The following DIP2C variants were observed in gnomAD, a reference collection of about 807,000 sequenced individuals.
DIP2C encodes DIP2 acetate--CoA ligase C (putative).
DIP2C carries 33 observed loss-of-function variants against 192.4 expected under a neutral mutation model. That is an observed-to-expected ratio of 0.17 (90% CI 0.13 to 0.23). The LOEUF (loss-of-function observed/expected upper bound fraction) is 0.23. DIP2C is among the 10% of genes least tolerant of loss of function. The pLI, the probability that DIP2C is intolerant of heterozygous loss-of-function variation, is 1.00. For synonymous variants in DIP2C, 979 were observed against 864.1 expected (o/e 1.13, Z -2.33); for missense variants, 1,537 against 2,110.1 (o/e 0.73, Z 5.32).
At chr10:650,480 G>A (rs1855805638) in intron 1 of DIP2C, 1 of 704,078 alleles carries the variant, frequency 1.4e-6, no homozygotes, top group South Asian at 1.5e-5. Context: ...AGAGTCCACG[G>A]CCACTTCTAC....
At chr10:650,187 G>T in intron 1 of DIP2C, 1 of 717,466 alleles carries the variant, frequency 1.4e-6, no homozygotes, top group South Asian at 1.5e-5. Context: ...AGGTCCTGCG[G>T]GGTGGGTGGT....
intron 4 of DIP2C, 39 bp from the exon 5 acceptor site, chr10:423,072 A>C: frequency 6.5e-7 from 1 of 1,537,166 alleles, no homozygotes; most frequent in Non-Finnish European, 8.8e-7. Context: ...ATGTTGCAGC[A>C]AAAACGTGCA....
In DIP2C at chr10:608,142, GCC is replaced by G. The variant is rs1388658067; in HGVS notation, c.85+81350_85+81351del. Among the ~76,000 whole-genome samples the G allele has an allele frequency of 1.1e-3, 36 of 31,640 alleles. 2 individuals are homozygous for G. Among genetic ancestry groups the G allele is most frequent in the African/African-American group, 0.011 (32 of 3,032 alleles). The allele number at this position is 31,640 out of a possible 152,430, so 20.8% of individuals were successfully genotyped here. A position where few individuals can be genotyped will look rare whatever the true frequency, so the allele number is the denominator to read the frequency against. On this transcript the variant is annotated intron_variant, in intron 1 of 36. Coordinates refer to ENST00000280886, the MANE Select transcript of DIP2C (RefSeq NM_014974.3). ...CACACACAGCCCCAACACACACACA[GCC>G]CCCCCACACACACCCCCACAGCCCC... is the stretch of plus-strand genomic sequence containing the variant.
chr10:582,930 T>C (rs1850759616), intron 1 of DIP2C, among the ~76,000 whole-genome samples: 4 of 152,234 alleles, frequency 2.6e-5, no homozygotes, highest in Admixed American at 2.6e-4. Context: ...ATTTCTGATG[T>C]ATATTCAAGT....
At chr10:658,973 CAT>C (rs1359161517) in intron 1 of DIP2C, among the ~76,000 whole-genome samples, 9 of 152,294 alleles carry the variant, frequency 5.9e-5, no homozygotes, top group African/African-American at 1.4e-4. Flanking sequence ...CACACACACA[CAT>C]GCGCACACAC....
In DIP2C at chr10:621,782, C is replaced by T. The variant is rs181625440; in HGVS notation, c.85+67712G>A. On this transcript the variant is annotated intron_variant, in intron 1 of 36. Transcript: ENST00000280886. Reference sequence around the variant, plus strand: ...GGAGCTCATGCCAAGGTGCTGAGCACGGGGCCTACGGAGTGCTTCTTTCTG... The same window carrying T: ...GGAGCTCATGCCAAGGTGCTGAGCATGGGGCCTACGGAGTGCTTCTTTCTG... Among the ~76,000 whole-genome samples the T allele has an allele frequency of 1.5e-4, 23 of 152,268 alleles. No individual in the cohort carries two copies. The East Asian group carries it at 1.9e-3, about 13-fold the overall frequency.
intron 10 of DIP2C, among the ~76,000 whole-genome samples, chr10:397,947 G>A (rs747913786): frequency 1.1e-4 from 16 of 152,296 alleles, no homozygotes; most frequent in Non-Finnish European, 2.2e-4. Context: ...TTCAGACACA[G>A]TTGACCAGCA....
At chr10:515,624 GAGGCAGGAAGA>G (rs1442474247) in intron 1 of DIP2C, among the ~76,000 whole-genome samples, 2 of 152,174 alleles carry the variant, frequency 1.3e-5, no homozygotes, top group African/African-American at 2.4e-5. Flanking sequence ...TCAAGAGGCT[GAGGCAGGAAGA>G]ACTGCCTGAA....
intron 32 of DIP2C, among the ~76,000 whole-genome samples, chr10:294,140 T>C (rs553387253): frequency 7.9e-4 from 121 of 152,332 alleles, no homozygotes; most frequent in Non-Finnish European, 1.1e-3. Flanking sequence ...GCTCTGTGTT[T>C]TCTTCCCATA....
chr10:471,095 A>G (rs531807654), intron 3 of DIP2C, among the ~76,000 whole-genome samples: 1 of 152,216 alleles, frequency 6.6e-6, no homozygotes, highest in South Asian at 2.1e-4. Flanking sequence ...ACAGGTGTGA[A>G]ACAACAGAGG....
At chr10:333,204 A>G (rs1268973188) in intron 29 of DIP2C, among the ~76,000 whole-genome samples, 3 of 152,176 alleles carry the variant, frequency 2.0e-5, no homozygotes, top group Admixed American at 6.5e-5. Context: ...CACCCGGCCT[A>G]TTCTTTTTAA....
At chr10:428,961 TCC>T (rs1966765273) in intron 4 of DIP2C, among the ~76,000 whole-genome samples, 2 of 152,062 alleles carry the variant, frequency 1.3e-5, no homozygotes, top group African/African-American at 4.8e-5. Flanking sequence ...CCTTTCCAAC[TCC>T]ACATGTGCAC....
At chr10:482,631 C>T (rs1843687517) in intron 2 of DIP2C, among the ~76,000 whole-genome samples, 1 of 152,194 alleles carries the variant, frequency 6.6e-6, no homozygotes, top group Non-Finnish European at 1.5e-5. Context: ...CAGACAAACA[C>T]ATAAGAAGTT....
intron 32 of DIP2C, among the ~76,000 whole-genome samples, chr10:306,413 GCA>G (rs2132298731): frequency 6.6e-6 from 1 of 152,234 alleles, no homozygotes; most frequent in Non-Finnish European, 1.5e-5. Flanking sequence ...TTGTGCGTGT[GCA>G]CATTCATATT....
intron 1 of DIP2C, among the ~76,000 whole-genome samples, chr10:539,344 C>T (rs926368488): frequency 1.3e-5 from 2 of 152,138 alleles, no homozygotes; most frequent in African/African-American, 4.8e-5. Flanking sequence ...AGCATTCAGA[C>T]TTTATTATTC....
At chr10:355,100 G>A (rs138895800) in intron 24 of DIP2C, among the ~76,000 whole-genome samples, 9 of 152,204 alleles carry the variant, frequency 5.9e-5, no homozygotes, top group African/African-American at 1.9e-4. Flanking sequence ...CAAGATCTCC[G>A]GCCCCCACAC....
At chr10:543,966 T>C (rs1275474467) in intron 1 of DIP2C, among the ~76,000 whole-genome samples, 1 of 152,238 alleles carries the variant, frequency 6.6e-6, no homozygotes, top group Non-Finnish European at 1.5e-5. Context: ...TTTCTCTGGA[T>C]TTGCCCACTC....
intron 1 of DIP2C, among the ~76,000 whole-genome samples, chr10:671,643 T>C (rs113216402): frequency 3.4e-4 from 18 of 53,678 alleles, no homozygotes; most frequent in African/African-American, 1.3e-3. Context: ...GGAGGAAACG[T>C]CACAGACGCA....
At chr10:392,869 ACT>A (rs754272935) in intron 10 of DIP2C, among the ~76,000 whole-genome samples, 1 of 143,886 alleles carries the variant, frequency 6.9e-6, no homozygotes, top group Non-Finnish European at 1.5e-5. Context: ...ATACACAGAC[ACT>A]CAACACTCAC....
Sources: allele counts gnomAD v4.1 joint callset (sites outside exome capture counted in the v4.1 genomes callset), GRCh38; gene constraint gnomAD v4.1.1; transcripts MANE v1.5; gene names NCBI Gene and HGNC (gene_info 2026-07-23, HGNC 2026-07-21).